The following NRXN3 variants were observed in gnomAD, a reference collection of about 807,000 sequenced individuals.
The protein encoded by NRXN3 is neurexin III.
Under a neutral mutation model 137.6 loss-of-function variants are expected in NRXN3, and 32 were observed. The observed-to-expected ratio is 0.23, with a 90% confidence interval of 0.18 to 0.31. NRXN3 has a LOEUF of 0.31. Ranked by LOEUF, NRXN3 falls within the 10% of genes least tolerant of loss-of-function variation. NRXN3 has a pLI of 1.00. For synonymous variants in NRXN3, 798 were observed against 784.5 expected (o/e 1.02, Z -0.29); for missense variants, 1,574 against 2,062.5 (o/e 0.76, Z 4.59).
chr14:78,422,997 A>G (rs1441496787), intron 4 of NRXN3, among the ~76,000 whole-genome samples: 2 of 152,228 alleles, frequency 1.3e-5, no homozygotes, highest in Admixed American at 1.3e-4. Flanking sequence ...ACTTGAAAGC[A>G]TGAAACAAAA....
At chr14:79,732,683 G>C (rs1244889047) in intron 19 of NRXN3, among the ~76,000 whole-genome samples, 2 of 151,864 alleles carry the variant, frequency 1.3e-5, no homozygotes, top group Admixed American at 6.6e-5. Context: ...TTTGAGCTTG[G>C]GTCTGTTTAA....
chr14:79,142,145 C>T (rs2058845631), intron 15 of NRXN3, among the ~76,000 whole-genome samples: 1 of 152,112 alleles, frequency 6.6e-6, no homozygotes, highest in Non-Finnish European at 1.5e-5. Flanking sequence ...AAAGGGCAGA[C>T]AGGCCAGGCA....
chr14:79,291,170 A>G (rs535151170), intron 15 of NRXN3, among the ~76,000 whole-genome samples: 25 of 152,286 alleles, frequency 1.6e-4, no homozygotes, highest in Non-Finnish European at 3.2e-4. Context: ...TTTTCTTAAA[A>G]CAAACTTCTT....
At chr14:78,225,870 C>T (rs940886123) in intron 1 of NRXN3, among the ~76,000 whole-genome samples, 35 of 152,096 alleles carry the variant, frequency 2.3e-4, no homozygotes, top group African/African-American at 8.2e-4. Context: ...ATGTCTATCT[C>T]TCCTCACCCA....
chr14:79,584,495 G>A (rs1021877390), intron 16 of NRXN3, among the ~76,000 whole-genome samples: 1 of 152,190 alleles, frequency 6.6e-6, no homozygotes, highest in Non-Finnish European at 1.5e-5. Flanking sequence ...ATGGGGGAGA[G>A]CTGGGATGAA....
intron 19 of NRXN3, among the ~76,000 whole-genome samples, chr14:79,770,553 A>G (rs1489784883): frequency 2.7e-5 from 4 of 148,006 alleles, no homozygotes; most frequent in African/African-American, 7.6e-5. Context: ...GAAGGCAGAA[A>G]TAAAGATGTT....
chr14:79,377,042 G>A (rs2094322968), intron 15 of NRXN3, among the ~76,000 whole-genome samples: 1 of 152,170 alleles, frequency 6.6e-6, no homozygotes, highest in Admixed American at 6.6e-5. Context: ...TGACTGATGT[G>A]TTTATTAGGC....
intron 19 of NRXN3, among the ~76,000 whole-genome samples, chr14:79,772,313 C>T (rs868508667): frequency 6.7e-4 from 102 of 152,066 alleles, no homozygotes; most frequent in Admixed American, 1.3e-3. Context: ...GAGCCCGCAT[C>T]ACCAAGTCAA....
intron 6 of NRXN3, among the ~76,000 whole-genome samples, chr14:78,667,859 C>T (rs2097901284): frequency 6.6e-6 from 1 of 152,140 alleles, no homozygotes; most frequent in Non-Finnish European, 1.5e-5. Context: ...TATCAGCTCA[C>T]TGCAACCTCT....
At chr14:79,544,376 A>G (rs1237799446) in intron 16 of NRXN3, among the ~76,000 whole-genome samples, 1 of 152,244 alleles carries the variant, frequency 6.6e-6, no homozygotes, top group East Asian at 1.9e-4. Context: ...TAACATCTAA[A>G]CAAGAGTGCA....
intron 10 of NRXN3, among the ~76,000 whole-genome samples, chr14:78,851,902 G>GAA (rs149465950): frequency 6.7e-6 from 1 of 149,476 alleles, no homozygotes. Flanking sequence ...GTGGTTATCA[G>GAA]AAAAAAAAAT....
rs185406681 is a variant in NRXN3 at position 78,961,445 on chromosome 14, G to A, written c.2395+4084G>A. Among the ~76,000 whole-genome samples the A allele has an allele frequency of 5.2e-4, 79 of 152,150 alleles. No individual in the cohort carries two copies. In the East Asian group the frequency reaches 7.2e-3, roughly 14 times the overall value. On this transcript the variant is annotated intron_variant, in intron 11 of 20. Coordinates refer to ENST00000335750, the MANE Select transcript of NRXN3 (RefSeq NM_001330195.2). ...GGACATATAGAAGACACAAGAGGTG[G>A]CCTCTACTTAAAAAGAGCCCACATT...
intron 16 of NRXN3, among the ~76,000 whole-genome samples, chr14:79,494,424 A>G (rs1055911121): frequency 6.6e-6 from 1 of 152,190 alleles, no homozygotes; most frequent in African/African-American, 2.4e-5. Flanking sequence ...AACTGGTTAT[A>G]CACAGAAAGC....
chr14:79,790,108 AT>A (rs573647225), intron 19 of NRXN3, among the ~76,000 whole-genome samples: 105 of 152,302 alleles, frequency 6.9e-4, no homozygotes, highest in African/African-American at 2.0e-3. Flanking sequence ...TCTATGTTCT[AT>A]TACTATAAAA....
At chr14:79,161,529 G>A (rs919563307) in intron 15 of NRXN3, among the ~76,000 whole-genome samples, 1 of 151,954 alleles carries the variant, frequency 6.6e-6, no homozygotes, top group Non-Finnish European at 1.5e-5. Flanking sequence ...TTTTAACAAA[G>A]TCCCATTTAG....
At chr14:79,854,087 T>G (rs2099397425) in intron 20 of NRXN3, 10 of 983,538 alleles carry the variant, frequency 1.0e-5, no homozygotes, top group South Asian at 9.4e-5. Flanking sequence ...GCTCAAAAGT[T>G]TTTAAGAAAT....
At position 79,361,657 on chromosome 14, in the gene NRXN3, C is replaced by T. The variant is rs574859835; in HGVS notation, c.3263-105564C>T. On this transcript the variant is annotated intron_variant, in intron 15 of 20. Transcript: ENST00000335750. ...ACTTGAACCCAGGAGGCAGAGGTTG[C>T]AGTGAGCTGAAATCACGCCACGGCA... Among the ~76,000 whole-genome samples the T allele has an allele frequency of 3.3e-5, 5 of 152,228 alleles. No homozygotes were observed. The East Asian group carries it at 9.6e-4, about 29-fold the overall frequency.
intron 16 of NRXN3, among the ~76,000 whole-genome samples, chr14:79,580,790 A>T (rs1352753986): frequency 6.6e-6 from 1 of 152,176 alleles, no homozygotes; most frequent in Non-Finnish European, 1.5e-5. Context: ...AAAGAAAACA[A>T]AAACAAACAG....
At chr14:79,763,679 C>T (rs946185144) in intron 19 of NRXN3, among the ~76,000 whole-genome samples, 1 of 151,378 alleles carries the variant, frequency 6.6e-6, no homozygotes, top group African/African-American at 2.5e-5. Context: ...TCATAGATGG[C>T]GACTTCCAGT....
Sources: gnomAD v4.1 joint callset for allele counts (sites outside exome capture counted in the v4.1 genomes callset) on GRCh38, gnomAD v4.1.1 for gene constraint, MANE v1.5 for transcripts, NCBI Gene and HGNC (gene_info 2026-07-23, HGNC 2026-07-21) for gene names.